Variants in CWC27 observed in about 807,000 individuals in gnomAD.
CWC27 encodes the protein spliceosome-associated protein CWC27 homolog.
A neutral mutation model predicts 63.6 loss-of-function variants in CWC27; 47 were observed. The observed-to-expected ratio is 0.74, with a 90% confidence interval of 0.58 to 0.94. The LOEUF is 0.94. CWC27 is among the 40% of genes least tolerant of loss of function. CWC27 has a pLI of 0.00. For missense variants in CWC27, 495 were observed against 554.3 expected, an observed-to-expected ratio of 0.89 and a Z score of 1.07; for synonymous variants, 175 against 179.8, an observed-to-expected ratio of 0.97 and a Z score of 0.22.
At chr5:64,862,573 T>C (rs531557822) in intron 10 of CWC27, among the ~76,000 whole-genome samples, 1 of 152,270 alleles carries the variant, frequency 6.6e-6, no homozygotes, top group Admixed American at 6.5e-5. Context: ...ATGTAATGAA[T>C]TAATAATTCC....
At chr5:64,958,093 GT>G (rs200713019) in intron 11 of CWC27, among the ~76,000 whole-genome samples, 13 of 148,228 alleles carry the variant, frequency 8.8e-5, no homozygotes, top group East Asian at 2.0e-4. Flanking sequence ...TTTAAAACAG[GT>G]TTTTTTTTTA....
At chr5:64,995,585 T>A (rs1013109879) in intron 13 of CWC27, among the ~76,000 whole-genome samples, 1 of 152,210 alleles carries the variant, frequency 6.6e-6, no homozygotes, top group Admixed American at 6.5e-5. Context: ...TTTTCTAAAT[T>A]GTTAGCCACC....
chr5:64,978,345 T>C (rs977152417), intron 13 of CWC27, among the ~76,000 whole-genome samples: 4 of 152,154 alleles, frequency 2.6e-5, no homozygotes, highest in Non-Finnish European at 5.9e-5. Flanking sequence ...TCTCAATTAA[T>C]TTATAGTTTT....
intron 7 of CWC27, among the ~76,000 whole-genome samples, chr5:64,796,754 TCC>T (rs1744282266): frequency 3.8e-5 from 1 of 26,010 alleles, no homozygotes; most frequent in South Asian, 1.4e-3. Context: ...CCTCCCTCCC[TCC>T]CTCCCTCCCT....
chr5:64,789,868 C>CT (rs1744013780), intron 7 of CWC27, among the ~76,000 whole-genome samples: 1 of 152,050 alleles, frequency 6.6e-6, no homozygotes, highest in Non-Finnish European at 1.5e-5. Flanking sequence ...ACTTTATAAC[C>CT]TATAAGCCTT....
chr5:64,770,435 G>C (rs1017876673), intron 1 of CWC27, among the ~76,000 whole-genome samples: 1 of 152,212 alleles, frequency 6.6e-6, no homozygotes. Context: ...CATCCTGCCA[G>C]ACAGGGCCTT....
At chr5:64,791,848 T>C (rs1380970097) in intron 7 of CWC27, among the ~76,000 whole-genome samples, 1 of 152,150 alleles carries the variant, frequency 6.6e-6, no homozygotes, top group Non-Finnish European at 1.5e-5. Flanking sequence ...TTAGATTCCA[T>C]TGTGATTTTT....
intron 10 of CWC27, chr5:64,807,985 T>C: frequency 8.5e-6 from 12 of 1,404,556 alleles, no homozygotes; most frequent in Non-Finnish European, 1.1e-5. Flanking sequence ...ATCTAGTTGA[T>C]AATCGACTGG....
rs529936478 is a variant in CWC27, at chr5:64,972,269, T to C, written c.1152+457T>C. On this transcript the variant is annotated intron_variant, in intron 12 of 13. Transcript: ENST00000381070. ...CTGCTAGCTGACTTCTATTCATTAG[T>C]ACAAGTAATTCCTGAATCTTTAGGT... is the stretch of plus-strand genomic sequence containing the variant. Among the ~76,000 whole-genome samples the C allele has an allele frequency of 2.0e-5, 3 of 152,328 alleles. No homozygotes were observed. The South Asian group carries it at 6.2e-4, about 32-fold the overall frequency.
chr5:64,804,437 A>T, intron 10 of CWC27, 51 bp downstream of exon 10: 2 of 1,473,282 alleles, frequency 1.4e-6, no homozygotes, highest in Non-Finnish European at 1.8e-6. Flanking sequence ...TTTATATTTC[A>T]CTTTAATTCA....
At chr5:64,926,723 T>C (rs1285778350) in intron 11 of CWC27, among the ~76,000 whole-genome samples, 1 of 152,132 alleles carries the variant, frequency 6.6e-6, no homozygotes, top group Non-Finnish European at 1.5e-5. Flanking sequence ...TGGGGCAGAC[T>C]TCAAATAAAG....
At chr5:64,951,379 C>T (rs1181280920) in intron 11 of CWC27, among the ~76,000 whole-genome samples, 2 of 151,760 alleles carry the variant, frequency 1.3e-5, no homozygotes, top group Non-Finnish European at 2.9e-5. Flanking sequence ...TTATTTTAAT[C>T]ATATTATTTT....
intron 10 of CWC27, among the ~76,000 whole-genome samples, chr5:64,818,549 G>C (rs1271346566): frequency 6.6e-6 from 1 of 152,164 alleles, no homozygotes; most frequent in Non-Finnish European, 1.5e-5. Flanking sequence ...AAAGCATCCA[G>C]ATAAATATTA....
intron 10 of CWC27, among the ~76,000 whole-genome samples, chr5:64,860,084 A>C (rs1308407398): frequency 3.3e-5 from 5 of 152,174 alleles, no homozygotes; most frequent in Non-Finnish European, 7.4e-5. Context: ...CACAAGCTAA[A>C]AAGTGCCAGA....
Position 64,774,712 on chromosome 5 carries a change from G to A in CWC27, c.64G>A (p.Gly22Arg). ...NGKVLLKTTA[G>R]DIDIELWSKE... ...ACAGGTTTTATTGAAAACTACAGCT[G>A]GAGATATTGACATAGAGTTGTGGTC... Residue 22 changes from glycine to arginine, a missense_variant, in exon 2 of 14, where the codon GGA becomes AGA. Around this residue, in one of 3 missense-constraint regions of CWC27, gnomAD observed 463 missense variants for 498.1 expected, o/e 0.93. Coordinates refer to ENST00000381070, the MANE Select transcript of CWC27 (RefSeq NM_005869.4). 6.3e-7 allele frequency: 1 copy of A among 1,591,274 alleles called. No homozygotes were observed. Among genetic ancestry groups the A allele is most frequent in the Non-Finnish European group, 8.5e-7 (1 of 1,170,346 alleles).
At chr5:64,892,663 G>A (rs1747269287) in intron 11 of CWC27, among the ~76,000 whole-genome samples, 1 of 152,024 alleles carries the variant, frequency 6.6e-6, no homozygotes, top group Admixed American at 6.6e-5. Flanking sequence ...ACTTGCTTTA[G>A]GAGTATGTCT....
chr5:64,910,570 A>C (rs1472964179), intron 11 of CWC27, among the ~76,000 whole-genome samples: 1 of 152,230 alleles, frequency 6.6e-6, no homozygotes, highest in Non-Finnish European at 1.5e-5. Context: ...GAGTCTACAG[A>C]GGCAGCAGGC....
At chr5:64,821,656 T>C (rs1336111217) in intron 10 of CWC27, among the ~76,000 whole-genome samples, 2 of 152,220 alleles carry the variant, frequency 1.3e-5, no homozygotes, top group African/African-American at 4.8e-5. Context: ...GAAGCTGCTC[T>C]CTTTACCATA....
At chr5:64,801,581 T>C (rs527376079) in intron 9 of CWC27, among the ~76,000 whole-genome samples, 1 of 152,206 alleles carries the variant, frequency 6.6e-6, no homozygotes, top group African/African-American at 2.4e-5. Context: ...ATTTCTAGTC[T>C]GTTTTTTTCT....
Sources: allele counts gnomAD v4.1 joint callset (sites outside exome capture counted in the v4.1 genomes callset), GRCh38; gene constraint gnomAD v4.1.1; regional missense constraint gnomAD v4.1.1; transcripts MANE v1.5; gene names NCBI Gene and HGNC (gene_info 2026-07-23, HGNC 2026-07-21).